Variants in RPTOR observed in about 807,000 individuals in gnomAD.
RPTOR encodes the protein regulatory-associated protein of mTOR.
In RPTOR, 21 loss-of-function variants were observed where a neutral mutation model predicts 169.9. The ratio of observed to expected loss-of-function variants is 0.12; its 90% CI spans 0.09 to 0.18. RPTOR has a LOEUF of 0.18. RPTOR is among the 10% of genes least tolerant of loss of function. The pLI is 1.00. For synonymous variants in RPTOR, 732 were observed against 753.2 expected (o/e 0.97, Z 0.46); for missense variants, 1,133 against 1,855.9 (o/e 0.61, Z 7.16).
chr17:80,817,426 C>G (rs561243680), intron 7 of RPTOR, among the ~76,000 whole-genome samples: 1 of 151,870 alleles, frequency 6.6e-6, no homozygotes, highest in Non-Finnish European at 1.5e-5. Flanking sequence ...TCATGTGTTG[C>G]GTCTCCTGAG....
intron 3 of RPTOR, among the ~76,000 whole-genome samples, chr17:80,696,169 A>G (rs1037447908): frequency 6.6e-6 from 1 of 152,190 alleles, no homozygotes; most frequent in Admixed American, 6.5e-5. Flanking sequence ...AACAGACAAG[A>G]TAAGTGGCAG....
chr17:80,586,047 C>G (rs2065058069), intron 1 of RPTOR, among the ~76,000 whole-genome samples: 2 of 152,062 alleles, frequency 1.3e-5, no homozygotes, highest in African/African-American at 4.8e-5. Context: ...ATGTTGTTTG[C>G]AGTTTGTCGG....
intron 13 of RPTOR, among the ~76,000 whole-genome samples, chr17:80,863,965 T>C (rs1437879416): frequency 6.6e-6 from 1 of 151,212 alleles, no homozygotes; most frequent in Non-Finnish European, 1.5e-5. Context: ...AAATGAAGCA[T>C]GGTAAGAAAA....
chr17:80,942,013 G>C (rs1413843436), intron 25 of RPTOR: 1 of 152,270 alleles, frequency 6.6e-6, no homozygotes, highest in Non-Finnish European at 1.5e-5. Context: ...TGCATCTGAA[G>C]AGCTGGCGGC....
rs1032059975 is a variant in RPTOR at position 80,882,186 on chromosome 17, G to A, written c.1585-1233G>A. ...CCGGGCTAAGAGCCGGGCTGGGAAC[G>A]TTCACCATGTAGCCAGCATGGTTCA... On this transcript the variant is annotated intron_variant, in intron 14 of 33. Transcript: ENST00000306801. 4.6e-5 allele frequency among the ~76,000 whole-genome samples: 7 copies of A among 152,296 alleles called. No homozygotes were observed. In the South Asian group the frequency reaches 1.0e-3, roughly 23 times the overall value.
intron 13 of RPTOR, among the ~76,000 whole-genome samples, chr17:80,865,908 A>C (rs1009048226): frequency 1.3e-5 from 2 of 152,182 alleles, no homozygotes; most frequent in African/African-American, 4.8e-5. Context: ...ACAAATGTAA[A>C]GAACTGAAGC....
chr17:80,887,191 C>T (rs547121627), intron 17 of RPTOR, among the ~76,000 whole-genome samples: 59 of 150,928 alleles, frequency 3.9e-4, no homozygotes, highest in Non-Finnish European at 7.1e-4. Flanking sequence ...GCGCAGACTC[C>T]GGAGGTGCGC....
chr17:80,625,780 G>T lies in RPTOR; in HGVS notation c.252G>T (p.Leu84Phe). The T allele has an allele frequency of 6.2e-7, 1 of 1,610,868 alleles. No individual in the cohort carries two copies. The highest frequency in any genetic ancestry group is 8.5e-7 in the Non-Finnish European group (1 of 1,177,990). Residue 84 changes from leucine (L) to phenylalanine (F), a missense_variant, in exon 2 of 34, where the codon TTG (leucine) becomes TTT (phenylalanine). Leu to Phe is a conservative substitution (Grantham distance 22). Transcript: ENST00000306801. ...DVVKTTPCAR[L>F]ECWIDPLSMG... ...TGAAGACCACGCCCTGTGCACGCTT[G>T]GAATGCTGGATCGGTGAGTATGCCT...
intron 3 of RPTOR, among the ~76,000 whole-genome samples, chr17:80,644,535 T>C (rs188656477): frequency 5.4e-4 from 82 of 152,308 alleles, no homozygotes; most frequent in Non-Finnish European, 4.4e-5. Context: ...CAGCTTTGCA[T>C]GATAGATGGA....
intron 2 of RPTOR, 66 bp from the exon 3 acceptor site, chr17:80,643,662 A>G: frequency 8.3e-7 from 1 of 1,202,008 alleles, no homozygotes. Context: ...GAAACTGTGG[A>G]AGAGAGGCCT....
At chr17:80,795,494 C>T (rs573821149) in intron 7 of RPTOR, among the ~76,000 whole-genome samples, 72 of 152,296 alleles carry the variant, frequency 4.7e-4, no homozygotes, top group African/African-American at 1.7e-3. Context: ...GCAGTGTTCT[C>T]GTCTTTCTTC....
intron 21 of RPTOR, among the ~76,000 whole-genome samples, chr17:80,918,908 C>T (rs905967201): frequency 5.9e-5 from 9 of 152,152 alleles, no homozygotes; most frequent in African/African-American, 2.2e-4. Flanking sequence ...GTCTATGTCG[C>T]CATCAGCTCC....
At chr17:80,826,056 T>C (rs1282239222) in intron 9 of RPTOR, among the ~76,000 whole-genome samples, 1 of 151,840 alleles carries the variant, frequency 6.6e-6, no homozygotes, top group African/African-American at 2.4e-5. Context: ...GGGAGGTGAG[T>C]GGGCCTGCCT....
At chr17:80,929,819 T>C (rs1598407199) in intron 24 of RPTOR, among the ~76,000 whole-genome samples, 1 of 152,358 alleles carries the variant, frequency 6.6e-6, no homozygotes, top group South Asian at 2.1e-4. Context: ...TTTCTCACTA[T>C]GCAGTGAACA....
intron 21 of RPTOR, among the ~76,000 whole-genome samples, chr17:80,918,067 A>G (rs1047510074): frequency 3.9e-5 from 6 of 152,250 alleles, no homozygotes; most frequent in Admixed American, 1.3e-4. Flanking sequence ...AGCAGCACTA[A>G]TGAACATGAA....
intron 6 of RPTOR, among the ~76,000 whole-genome samples, chr17:80,770,595 T>C (rs2340773): frequency 0.85 from 129,748 of 152,134 alleles, 55,869 homozygotes; most frequent in East Asian, 1. Flanking sequence ...CCATTTCTAA[T>C]GGAGGACAAC....
At chr17:80,583,195 T>TTTTGTTTTTTTTTG (rs2065031332) in intron 1 of RPTOR, among the ~76,000 whole-genome samples, 1 of 135,782 alleles carries the variant, frequency 7.4e-6, no homozygotes. Context: ...TTTTTTTTTT[T>TTTTGTTTTTTTTTG]TTTTTTTTTT....
At chr17:80,879,496 G>C (rs994296759) in intron 13 of RPTOR, among the ~76,000 whole-genome samples, 19 of 148,152 alleles carry the variant, frequency 1.3e-4, no homozygotes, top group African/African-American at 4.7e-4. Context: ...CTTTTCCCTC[G>C]ATCCCACCCT....
rs190768318 is a variant in RPTOR at position 80,563,781 on chromosome 17, A to G, written c.162+17990A>G. 3.7e-4 allele frequency among the ~76,000 whole-genome samples: 56 copies of G among 152,304 alleles called. No individual in the cohort carries two copies. In the East Asian group the frequency reaches 5.6e-3, roughly 15 times the overall value. On this transcript the variant is annotated intron_variant, in intron 1 of 33. Coordinates refer to ENST00000306801, the MANE Select transcript of RPTOR (RefSeq NM_020761.3). ...CCACAAAGTGAACACTCTCACAACC[A>G]GATCCAGAAACAGAACAGCCCCGCC...
Sources: gnomAD v4.1 joint callset for allele counts (sites outside exome capture counted in the v4.1 genomes callset) on GRCh38, gnomAD v4.1.1 for gene constraint, MANE v1.5 for transcripts, NCBI Gene and HGNC (gene_info 2026-07-23, HGNC 2026-07-21) for gene names.